The following TMEM164 variants were observed in gnomAD, a reference collection of about 807,000 sequenced individuals.
TMEM164 encodes RP13-360B22.2.
A neutral mutation model predicts 18.8 loss-of-function variants in TMEM164; 4 were observed. The observed-to-expected ratio is 0.21, with a 90% CI of 0.10 to 0.49. TMEM164 has a LOEUF of 0.49. TMEM164 is among the 20% of genes least tolerant of loss of function. The pLI is 0.98. For missense variants in TMEM164, 108 were observed against 239.9 expected (o/e 0.45, Z 3.63); for synonymous variants, 86 against 101.7 (o/e 0.85, Z 0.93).
At chrX:110,173,118 TA>T in intron 6 of TMEM164, 126 bp from the exon 7 acceptor site, 1 of 654,780 alleles carries the variant, frequency 1.5e-6, no homozygotes, top group Non-Finnish European at 2.3e-6. Flanking sequence ...AATCCCTTTA[TA>T]AACAGGTGGG....
chrX:110,164,954 T>C (rs976129920), intron 5 of TMEM164, among the ~76,000 whole-genome samples: 1 of 112,298 alleles, frequency 8.9e-6, no homozygotes, highest in African/African-American at 3.2e-5. Context: ...ATTGAGAACA[T>C]AGGAATTGAG....
intron 2 of TMEM164, among the ~76,000 whole-genome samples, chrX:110,022,205 G>A (rs1933919097): frequency 9.0e-6 from 1 of 111,589 alleles, no homozygotes; most frequent in Admixed American, 9.5e-5. Flanking sequence ...AGAAATGTGT[G>A]TGTGTGTGTG....
At chrX:110,058,846 G>A (rs1251207987) in intron 2 of TMEM164, among the ~76,000 whole-genome samples, 1 of 107,371 alleles carries the variant, frequency 9.3e-6, no homozygotes, top group Admixed American at 1.0e-4. Context: ...GGCCAGGCTG[G>A]TCTCAAACTC....
At chrX:110,057,096 A>G (rs1367585712) in intron 2 of TMEM164, among the ~76,000 whole-genome samples, 1 of 110,959 alleles carries the variant, frequency 9.0e-6, no homozygotes, top group Non-Finnish European at 1.9e-5. Context: ...ATTTTCACCT[A>G]TAGTCGCCAT....
At chrX:110,068,334 T>C (rs2065532044) in intron 3 of TMEM164, among the ~76,000 whole-genome samples, 1 of 112,577 alleles carries the variant, frequency 8.9e-6, no homozygotes, top group Admixed American at 9.4e-5. Flanking sequence ...GGATAATGGA[T>C]CCTGATTTCA....
intron 2 of TMEM164, among the ~76,000 whole-genome samples, chrX:110,026,844 T>A (rs967706171): frequency 7.4e-4 from 83 of 112,046 alleles, no homozygotes; most frequent in African/African-American, 2.5e-3. Context: ...TAACTGCTGG[T>A]CTTTAGAAAT....
At chrX:110,109,475 G>A (rs1324839049) in intron 4 of TMEM164, among the ~76,000 whole-genome samples, 3 of 112,112 alleles carry the variant, frequency 2.7e-5, no homozygotes, top group African/African-American at 6.5e-5. Context: ...TCAACATTGT[G>A]CCACTGCACT....
At chrX:110,038,046 A>G (rs1480215743) in intron 2 of TMEM164, among the ~76,000 whole-genome samples, 1 of 91,832 alleles carries the variant, frequency 1.1e-5, no homozygotes, top group Non-Finnish European at 2.1e-5. Flanking sequence ...GCTGGAGTGC[A>G]GTGGCAGGAT....
rs560695330 is a variant in TMEM164 at position 110,116,822 on chromosome X, T to TTGTG, written c.507+7703_507+7706dup. 9.2e-3 allele frequency among the ~76,000 whole-genome samples: 889 copies of TTGTG among 97,026 alleles called. 22 individuals are homozygous for TTGTG. Among genetic ancestry groups the TTGTG allele is most frequent in the South Asian group, 0.032 (64 of 2,008 alleles). The allele number at this position is 97,026 out of a possible 115,157, so 84.3% of individuals were successfully genotyped here. ...TTCATGTTCTGGCTGGGCCACTCCC[T>TTGTG]TGTGTGTGTGTGTGTGTGTGTGTGT... On this transcript the variant is annotated intron_variant, in intron 4 of 6. Coordinates refer to ENST00000372068, the MANE Select transcript of TMEM164 (RefSeq NM_032227.4).
intron 4 of TMEM164, among the ~76,000 whole-genome samples, chrX:110,124,172 A>C (rs113697583): frequency 0.019 from 1,603 of 83,875 alleles, 17 homozygotes; most frequent in African/African-American, 0.038. Context: ...GGAAGGAAGG[A>C]AGGAAGGCAG....
intron 2 of TMEM164, among the ~76,000 whole-genome samples, chrX:110,048,721 A>G (rs1935420369): frequency 8.9e-6 from 1 of 111,855 alleles, no homozygotes; most frequent in African/African-American, 3.3e-5. Context: ...AGCAGTCTCA[A>G]ATCATTTGAT....
intron 5 of TMEM164, among the ~76,000 whole-genome samples, chrX:110,146,727 T>C (rs1313986102): frequency 8.9e-6 from 1 of 111,811 alleles, no homozygotes; most frequent in East Asian, 2.8e-4. Context: ...CATCTCCCTT[T>C]CCAGCTCTTT....
Position 110,109,072 on chromosome X carries a change from C to T in TMEM164, c.441-8C>T, listed in dbSNP as rs2066254679. On this transcript the variant is annotated splice_polypyrimidine_tract_variant and splice_region_variant and intron_variant, in intron 3 of 6. Coordinates refer to ENST00000372068, the MANE Select transcript of TMEM164 (RefSeq NM_032227.4). ...TATGACCTGAACTTTATCTTTCTCC[C>T]CCTCTAGGCTACAGATGCACATGTT... 8.3e-7 allele frequency: 1 copy of T among 1,207,146 alleles called. No individual in the cohort carries two copies. Among genetic ancestry groups the T allele is most frequent in the Admixed American group, 2.2e-5 (1 of 45,667 alleles).
chrX:110,017,419 T>C (rs5985435), intron 2 of TMEM164, among the ~76,000 whole-genome samples: 657 of 10,672 alleles, frequency 0.062, 69 homozygotes, highest in Middle Eastern at 0.18. Flanking sequence ...TCTTTCTTTC[T>C]TTCTTTCTTT....
At chrX:110,080,272 G>GT (rs1485938685) in intron 3 of TMEM164, among the ~76,000 whole-genome samples, 1 of 111,814 alleles carries the variant, frequency 8.9e-6, no homozygotes, top group Non-Finnish European at 1.9e-5. Context: ...TCCATGCATA[G>GT]TTTTTTGTAA....
At chrX:110,095,173 T>C (rs1364818092) in intron 3 of TMEM164, among the ~76,000 whole-genome samples, 1 of 111,513 alleles carries the variant, frequency 9.0e-6, no homozygotes, top group Non-Finnish European at 1.9e-5. Flanking sequence ...TTGCTCTTCT[T>C]GAGGAGTATC....
rs1477804333 is a variant in TMEM164, at chrX:110,173,826, A to G, written c.*375A>G. 2.3e-5 allele frequency: 4 copies of G among 176,926 alleles called. No individual in the cohort carries two copies. The highest frequency in any genetic ancestry group is 4.1e-5 in the Non-Finnish European group (4 of 96,778). 14.6% of individuals were successfully genotyped at this position (176,926 alleles called of 1,213,427 possible). A position where few individuals can be genotyped will look rare whatever the true frequency, so the allele number is the denominator to read the frequency against. ...TAGTTCTTTTGGCATCGAAGCAATG[A>G]GATTGGGTTGTGTTTCATTTCTCCA... On this transcript the variant is annotated 3_prime_UTR_variant, in exon 7 of 7. Transcript: ENST00000372068.
At chrX:110,152,061 T>C (rs1339637647) in intron 5 of TMEM164, among the ~76,000 whole-genome samples, 1 of 100,032 alleles carries the variant, frequency 1.0e-5, no homozygotes, top group Non-Finnish European at 2.0e-5. Context: ...CTTTTCTTTT[T>C]TTTTTTTTTG....
At chrX:110,120,786 T>C (rs186996606) in intron 4 of TMEM164, among the ~76,000 whole-genome samples, 237 of 112,075 alleles carry the variant, frequency 2.1e-3, no homozygotes, top group Non-Finnish European at 3.7e-3. Context: ...CATTCTACTT[T>C]CCCTTTCTAT....
Sources: gnomAD v4.1 joint callset for allele counts (sites outside exome capture counted in the v4.1 genomes callset) on GRCh38, gnomAD v4.1.1 for gene constraint, MANE v1.5 for transcripts, NCBI Gene and HGNC (gene_info 2026-07-23, HGNC 2026-07-21) for gene names.